Variants in SMIM13 observed in about 807,000 individuals in gnomAD.
The protein encoded by SMIM13 is small integral membrane protein 13.
Under a neutral mutation model 5.9 loss-of-function variants are expected in SMIM13, and 3 were observed. The observed-to-expected ratio is 0.51, with a 90% CI of 0.23 to 1.31. The LOEUF (loss-of-function observed/expected upper bound fraction) is 1.31, where lower values mean the gene tolerates loss of function less well. Ranked by LOEUF, SMIM13 falls within the 40% of genes most tolerant of loss-of-function variation. The pLI is 0.18. For missense variants in SMIM13, 85 were observed against 109.9 expected (o/e 0.77, Z 1.01); for synonymous variants, 55 against 46.0 (o/e 1.19, Z -0.79).
intron 1 of SMIM13, among the ~76,000 whole-genome samples, chr6:11,102,164 A>G (rs573935924): frequency 2.6e-5 from 4 of 152,358 alleles, no homozygotes; most frequent in Non-Finnish European, 5.9e-5. Context: ...ATGGGTCAAA[A>G]TGCAGCTTGA....
intron 1 of SMIM13, among the ~76,000 whole-genome samples, chr6:11,129,807 T>C (rs1758428286): frequency 6.6e-6 from 1 of 152,326 alleles, no homozygotes; most frequent in African/African-American, 2.4e-5. Flanking sequence ...AGCAGTTGAA[T>C]AGCTTATTGG....
At chr6:11,132,854 G>A (rs1047806936) in intron 1 of SMIM13, among the ~76,000 whole-genome samples, 14 of 152,128 alleles carry the variant, frequency 9.2e-5, no homozygotes, top group African/African-American at 3.4e-4. Context: ...TAGTGGTGAC[G>A]GTTGTACAAT....
intron 1 of SMIM13, among the ~76,000 whole-genome samples, chr6:11,128,899 G>C (rs1179938980): frequency 6.6e-6 from 1 of 152,076 alleles, no homozygotes; most frequent in African/African-American, 2.4e-5. Context: ...TGTGACTGCT[G>C]CTGGCAGGGG....
At chr6:11,099,894 T>C (rs75288692) in intron 1 of SMIM13, among the ~76,000 whole-genome samples, 480 of 152,254 alleles carry the variant, frequency 3.2e-3, no homozygotes, top group Non-Finnish European at 5.5e-3. Flanking sequence ...GACTTAATAG[T>C]GTGGATTTAT....
At chr6:11,107,324 C>T (rs1388121692) in intron 1 of SMIM13, among the ~76,000 whole-genome samples, 1 of 152,218 alleles carries the variant, frequency 6.6e-6, no homozygotes, top group Non-Finnish European at 1.5e-5. Flanking sequence ...AGTCTGTTTT[C>T]AGACACGTTG....
chr6:11,108,804 G>C (rs1238493891), intron 1 of SMIM13, among the ~76,000 whole-genome samples: 1 of 152,188 alleles, frequency 6.6e-6, no homozygotes, highest in Non-Finnish European at 1.5e-5. Context: ...GGTGTTGTTT[G>C]AGTTAGGGAA....
In SMIM13 at chr6:11,094,269, C is replaced by G. The variant is rs1249985806; in HGVS notation, c.-45C>G. On this transcript the variant is annotated 5_prime_UTR_variant, in exon 1 of 2. Transcript: ENST00000416247. ...ACGCGCCGCCGCCCGCGCTCACCGC[C>G]GTCCGCGCCAGCCGCCCCGAGCCGA... 2.4e-6 allele frequency: 3 copies of G among 1,268,934 alleles called. No homozygotes were observed. The highest frequency in any genetic ancestry group is 3.1e-6 in the Non-Finnish European group (3 of 976,632). The allele number at this position is 1,268,934 out of a possible 1,614,324, so 78.6% of individuals were successfully genotyped here.
rs1021580804 is a variant in SMIM13, at chr6:11,136,050, G to A, written c.*1448G>A. On this transcript the variant is annotated 3_prime_UTR_variant, in exon 2 of 2. Coordinates refer to ENST00000416247, the MANE Select transcript of SMIM13 (RefSeq NM_001135575.2). Reference sequence around the variant, plus strand: ...GGGGAGGGGGTAACCAAGATTTCAGGGTAGTAACTTAGGAATCTAAGAACT... The same window carrying A: ...GGGGAGGGGGTAACCAAGATTTCAGAGTAGTAACTTAGGAATCTAAGAACT... The A allele has an allele frequency of 6.6e-6, 1 of 152,062 alleles. No homozygotes were observed. Among genetic ancestry groups the A allele is most frequent in the Non-Finnish European group, 1.5e-5 (1 of 68,012 alleles). The allele number at this position is 152,062 out of a possible 1,614,324, so 9.4% of individuals were successfully genotyped here. A position where few individuals can be genotyped will look rare whatever the true frequency, so the allele number is the denominator to read the frequency against.
intron 1 of SMIM13, among the ~76,000 whole-genome samples, chr6:11,122,831 A>G (rs1429490870): frequency 6.6e-6 from 1 of 151,954 alleles, no homozygotes; most frequent in African/African-American, 2.4e-5. Flanking sequence ...CCAAGAGCCT[A>G]TTGTCTAATA....
chr6:11,094,570 C>G (rs1282456038), intron 1 of SMIM13, among the ~76,000 whole-genome samples, 181 bp downstream of exon 1: 4 of 152,192 alleles, frequency 2.6e-5, no homozygotes, highest in African/African-American at 9.7e-5. Flanking sequence ...TTACTCATGG[C>G]CGGCCCTCGG....
At chr6:11,101,940 A>G (rs1757999742) in intron 1 of SMIM13, among the ~76,000 whole-genome samples, 2 of 152,030 alleles carry the variant, frequency 1.3e-5, no homozygotes, top group East Asian at 1.9e-4. Context: ...GGGTTTCACT[A>G]TGTTGGCCAG....
intron 1 of SMIM13, among the ~76,000 whole-genome samples, chr6:11,132,818 G>T (rs535430990): frequency 6.6e-6 from 1 of 152,268 alleles, no homozygotes; most frequent in African/African-American, 2.4e-5. Flanking sequence ...TTCTCTTGGG[G>T]TTGATGAAAA....
At chr6:11,105,294 A>G in intron 1 of SMIM13, 1 of 1,613,410 alleles carries the variant, frequency 6.2e-7, no homozygotes, top group Non-Finnish European at 8.5e-7. Context: ...AATGAGAACC[A>G]GCAGGAGCAG....
intron 1 of SMIM13, among the ~76,000 whole-genome samples, chr6:11,095,656 A>G (rs1282410506): frequency 6.6e-6 from 1 of 152,146 alleles, no homozygotes; most frequent in Non-Finnish European, 1.5e-5. Context: ...CCGGCCTTGT[A>G]TGTATGTTTA....
chr6:11,127,322 A>G (rs1758389634), intron 1 of SMIM13, among the ~76,000 whole-genome samples: 2 of 152,184 alleles, frequency 1.3e-5, no homozygotes, highest in Non-Finnish European at 1.5e-5. Flanking sequence ...CTAAGCTGGC[A>G]CCGAAGCTGT....
chr6:11,128,853 C>T (rs1228790789), intron 1 of SMIM13, among the ~76,000 whole-genome samples: 1 of 152,046 alleles, frequency 6.6e-6, no homozygotes, highest in Non-Finnish European at 1.5e-5. Flanking sequence ...ACTGTGCTGT[C>T]CCTCCCCCAG....
rs2113674207 is a variant in SMIM13, at chr6:11,137,023, T to C, written c.*2421T>C. ...GTCACTATTAAAGAATGATGGCTGA[T>C]GTAACTCTGCCCCTGAAATCTACAA... On this transcript the variant is annotated 3_prime_UTR_variant, in exon 2 of 2. Coordinates refer to ENST00000416247, the MANE Select transcript of SMIM13 (RefSeq NM_001135575.2). 1 of 152,264 alleles carries C rather than the reference T, an allele frequency of 6.6e-6. No individual in the cohort carries two copies. Among genetic ancestry groups the C allele is most frequent in the East Asian group, 1.9e-4 (1 of 5,188 alleles). The allele number at this position is 152,264 out of a possible 1,614,324, so 9.4% of individuals were successfully genotyped here.
chr6:11,101,897 C>A (rs1453051577), intron 1 of SMIM13, among the ~76,000 whole-genome samples: 1 of 152,066 alleles, frequency 6.6e-6, no homozygotes. Flanking sequence ...CGCCACCACA[C>A]CCTGCTAATT....
chr6:11,116,008 CTTTTTTTTTTTTTTTTTTT>C (rs35527082), intron 1 of SMIM13, among the ~76,000 whole-genome samples: 11 of 78,490 alleles, frequency 1.4e-4, no homozygotes, highest in African/African-American at 4.7e-4. Flanking sequence ...CTTCCTTCCT[CTTTTTTTTTTTTTTTTTTT>C]TTTTTTTTTT....
Sources: gnomAD v4.1 joint callset for allele counts (sites outside exome capture counted in the v4.1 genomes callset) on GRCh38, gnomAD v4.1.1 for gene constraint, MANE v1.5 for transcripts, NCBI Gene and HGNC (gene_info 2026-07-23, HGNC 2026-07-21) for gene names.